OLFM1: variants seen among roughly 807,000 people sequenced by gnomAD.
OLFM1 encodes noelin.
In OLFM1, 9 loss-of-function variants were observed where a neutral mutation model predicts 49.7. That is an observed-to-expected ratio of 0.18 (90% CI 0.11 to 0.32). OLFM1 has a LOEUF of 0.32. Ranked by LOEUF, OLFM1 falls within the 10% of genes least tolerant of loss-of-function variation. The pLI is 1.00. For missense variants in OLFM1, 369 were observed against 661.8 expected, an observed-to-expected ratio of 0.56 and a Z score of 4.85; for synonymous variants, 240 against 271.8, an observed-to-expected ratio of 0.88 and a Z score of 1.15.
intron 2 of OLFM1, among the ~76,000 whole-genome samples, chr9:135,091,684 G>GTC (rs1239628967): frequency 5.1e-5 from 1 of 19,492 alleles, no homozygotes; most frequent in Non-Finnish European, 9.5e-5. Context: ...CTCACACATA[G>GTC]TCTCACACAC....
chr9:135,118,783 AGTGCTCG>A (rs1831138149), intron 5 of OLFM1, among the ~76,000 whole-genome samples: 2 of 143,030 alleles, frequency 1.4e-5, no homozygotes, highest in African/African-American at 5.3e-5. Flanking sequence ...GTGTCTTTGG[AGTGCTCG>A]CCGTGTCTTT....
chr9:135,112,692 T>A (rs1296691258), intron 5 of OLFM1, among the ~76,000 whole-genome samples: 2 of 152,236 alleles, frequency 1.3e-5, no homozygotes, highest in Admixed American at 6.5e-5. Flanking sequence ...CCGCTGTGGA[T>A]GCCTTGACCC....
At chr9:135,116,943 T>G (rs1831104254) in intron 5 of OLFM1, among the ~76,000 whole-genome samples, 1 of 150,950 alleles carries the variant, frequency 6.6e-6, no homozygotes, top group Non-Finnish European at 1.5e-5. Flanking sequence ...AATGGATGTC[T>G]TGAGAAGAAG....
chr9:135,121,151 TC>T lies in OLFM1; in HGVS notation c.*974del, dbSNP rs1398190953. 1.3e-5 allele frequency: 2 copies of T among 152,244 alleles called. No homozygotes were observed. Among genetic ancestry groups the T allele is most frequent in the Non-Finnish European group, 2.9e-5 (2 of 68,042 alleles). The allele number at this position is 152,244 out of a possible 1,614,324, so 9.4% of individuals were successfully genotyped here. A position where few individuals can be genotyped will look rare whatever the true frequency, so the allele number is the denominator to read the frequency against. On this transcript the variant is annotated 3_prime_UTR_variant, in exon 6 of 6. Transcript: ENST00000371793. Reference sequence around the variant, plus strand: ...AGGCAAACTTTGTACTATCCAGTTATCTAAGGAACAATAAAAACATTAGGAG... The same window carrying T: ...AGGCAAACTTTGTACTATCCAGTTATTAAGGAACAATAAAAACATTAGGAG...
intron 5 of OLFM1, among the ~76,000 whole-genome samples, chr9:135,110,864 T>C (rs1831012174): frequency 6.6e-6 from 1 of 152,220 alleles, no homozygotes. Flanking sequence ...ATGTGACAGA[T>C]GCTTGCCAAA....
Position 135,106,835 on chromosome 9 carries a change from G to A in OLFM1, c.763G>A (p.Ala255Thr). ...CGGATCCTGGATGACAGACCCTCTC[G>A]CCCCTGAAGGCGATAACCGGGTGAG... ...RFGSWMTDPL[A>T]PEGDNRVWYM... is the part of the protein sequence containing the mutation. The change falls in exon 5 of 6, where the codon GCC (alanine) becomes ACC (threonine). Residue 255 changes from alanine (A) to threonine (T), a missense_variant. By Grantham distance (58) the Ala-to-Thr change is moderately conservative (BLOSUM62 0). Around this residue, in one of 3 missense-constraint regions of OLFM1, gnomAD observed 294 missense variants for 567.5 expected, o/e 0.52. Transcript: ENST00000371793. The A allele has an allele frequency of 1.9e-6, 3 of 1,611,004 alleles. No individual in the cohort carries two copies. Among genetic ancestry groups the A allele is most frequent in the Non-Finnish European group, 2.5e-6 (3 of 1,178,752 alleles).
intron 1 of OLFM1, chr9:135,076,990 C>G: frequency 6.4e-7 from 1 of 1,550,600 alleles, no homozygotes; most frequent in East Asian, 2.4e-5. Context: ...TGTCGTCCCG[C>G]TTACCCTCAG....
At chr9:135,083,247 A>T (rs1830554743), upstream of OLFM1, among the ~76,000 whole-genome samples, 1 of 151,922 alleles carries the variant, frequency 6.6e-6, no homozygotes, top group Admixed American at 6.6e-5. Context: ...TCAAAGTACC[A>T]CTCCCAGAAT....
intron 1 of OLFM1, among the ~76,000 whole-genome samples, chr9:135,078,007 C>T (rs1300638466): frequency 6.6e-6 from 1 of 152,228 alleles, no homozygotes; most frequent in Non-Finnish European, 1.5e-5. Flanking sequence ...CATCTTTGAC[C>T]TCTAAGATGG....
chr9:135,092,162 T>A (rs1055465922), intron 2 of OLFM1, among the ~76,000 whole-genome samples: 14 of 152,230 alleles, frequency 9.2e-5, no homozygotes, highest in Admixed American at 9.2e-4. Flanking sequence ...TCCACATTCC[T>A]GGTGCTGAAC....
In OLFM1 at chr9:135,120,448, A is replaced by G; in HGVS notation, c.*270A>G. The G allele has an allele frequency of 2.0e-6, 1 of 505,746 alleles. No homozygotes were observed. Among genetic ancestry groups the G allele is most frequent in the Non-Finnish European group, 3.5e-6 (1 of 282,958 alleles). 31.3% of individuals were successfully genotyped at this position (505,746 alleles called of 1,614,324 possible). A position where few individuals can be genotyped will look rare whatever the true frequency, so the allele number is the denominator to read the frequency against. On this transcript the variant is annotated 3_prime_UTR_variant, in exon 6 of 6. Transcript: ENST00000371793. Reference sequence around the variant, plus strand: ...CTCCCCGCCCTGTCCCTCTCTGGTCAAACAACATACTAAAGAGGCGAGGCA... The same window carrying G: ...CTCCCCGCCCTGTCCCTCTCTGGTCGAACAACATACTAAAGAGGCGAGGCA...
chr9:135,106,022 G>A (rs1227005216), intron 4 of OLFM1: 2 of 152,692 alleles, frequency 1.3e-5, no homozygotes, highest in African/African-American at 4.8e-5. Flanking sequence ...ATCACCGGGT[G>A]GCCCGGGTGT....
intron 5 of OLFM1, among the ~76,000 whole-genome samples, chr9:135,107,210 C>G (rs903494044): frequency 1.3e-5 from 2 of 152,206 alleles, no homozygotes; most frequent in African/African-American, 4.8e-5. Context: ...CGAAACCCAG[C>G]CCTGACTTTT....
chr9:135,091,832 GTC>G (rs1491366887), intron 2 of OLFM1, among the ~76,000 whole-genome samples: 1 of 67,356 alleles, frequency 1.5e-5, no homozygotes, highest in African/African-American at 6.5e-5. Flanking sequence ...CACACTCACA[GTC>G]ACACACACAC....
At chr9:135,091,701 T>TCA (rs1301859014) in intron 2 of OLFM1, among the ~76,000 whole-genome samples, 2 of 56,794 alleles carry the variant, frequency 3.5e-5, no homozygotes, top group South Asian at 1.0e-3. Context: ...ACACACACAG[T>TCA]CACACTCACA....
upstream of OLFM1, chr9:135,087,373 G>A (rs1188934644): frequency 1.6e-5 from 25 of 1,546,954 alleles, no homozygotes; most frequent in Non-Finnish European, 1.9e-5. Flanking sequence ...CCGGCGTGAG[G>A]ATGGGAGAAG....
rs566957975 is a variant in OLFM1, at chr9:135,090,685, C to A, written c.300+341C>A. Reference sequence around the variant, plus strand: ...GAGAAGTCACATGGGCATGGTGAGACGGGACACAAGGCTCGTCTCTGAGTG... The same window carrying A: ...GAGAAGTCACATGGGCATGGTGAGAAGGGACACAAGGCTCGTCTCTGAGTG... On this transcript the variant is annotated intron_variant, in intron 2 of 5. Transcript: ENST00000371793. 3.9e-5 allele frequency among the ~76,000 whole-genome samples: 6 copies of A among 152,090 alleles called. No homozygotes were observed. In the East Asian group the frequency reaches 1.2e-3, roughly 29 times the overall value.
chr9:135,106,988 C>G (rs530863230), intron 5 of OLFM1, 133 bp downstream of exon 5: 1 of 689,140 alleles, frequency 1.5e-6, no homozygotes, highest in East Asian at 2.8e-5. Context: ...TGCCTGGGGG[C>G]GTTTGTTCCT....
Position 135,080,783 on chromosome 9 carries a change from C to T in OLFM1, c.96+4981C>T, listed in dbSNP as rs1262439692. ...ACATGGCAACCACGAGCTAGGCTGA[C>T]AGGGCGAGCAGCCAATTTCCAGCTC... On this transcript the variant is annotated intron_variant, in intron 1 of 5. Coordinates refer to the OLFM1 transcript ENST00000252854. The surrounding 1 kb of genome is among the most constrained non-coding windows in gnomAD (Gnocchi z 4.5). Among the ~76,000 whole-genome samples the T allele has an allele frequency of 6.6e-6, 1 of 152,146 alleles. No homozygotes were observed. Among genetic ancestry groups the T allele is most frequent in the Non-Finnish European group, 1.5e-5 (1 of 68,034 alleles).
Sources: allele counts gnomAD v4.1 joint callset (sites outside exome capture counted in the v4.1 genomes callset), GRCh38; gene constraint gnomAD v4.1.1; regional missense constraint gnomAD v4.1.1; non-coding constraint Gnocchi (gnomAD v3.1); transcripts MANE v1.5; gene names NCBI Gene and HGNC (gene_info 2026-07-23, HGNC 2026-07-21).